Variants in RNF144A observed in about 807,000 individuals in gnomAD.
RNF144A encodes the protein ring finger protein 144A.
A neutral mutation model predicts 38.7 loss-of-function variants in RNF144A; 11 were observed. The observed-to-expected ratio is 0.28, with a 90% CI of 0.18 to 0.47. RNF144A has a LOEUF of 0.47. Ranked by LOEUF, RNF144A falls within the 20% of genes least tolerant of loss-of-function variation. The pLI is 0.99. For synonymous variants in RNF144A, 149 were observed against 143.9 expected (o/e 1.04, Z -0.25); for missense variants, 316 against 377.2 (o/e 0.84, Z 1.34).
In RNF144A at chr2:7,036,213, T is replaced by C. The variant is rs550516439; in HGVS notation, c.748-3416T>C. On this transcript the variant is annotated intron_variant, in intron 8 of 8. Transcript: ENST00000320892. ...GAGGAGCATTTCATTTTCTCTAGAGTAACCTTACTTCCTTAGGACATCAGC... is the reference window on the plus strand; with the variant it reads ...GAGGAGCATTTCATTTTCTCTAGAGCAACCTTACTTCCTTAGGACATCAGC... Among the ~76,000 whole-genome samples, 3 of 152,280 alleles carry C rather than the reference T, an allele frequency of 2.0e-5. No homozygotes were observed. In the East Asian group the frequency reaches 5.8e-4, roughly 29 times the overall value.
intron 2 of RNF144A, chr2:6,978,958 A>C (rs1668466868): frequency 6.5e-6 from 1 of 152,690 alleles, no homozygotes; most frequent in Non-Finnish European, 1.5e-5. Flanking sequence ...TGAAGGGTCC[A>C]CGTATCTCTG....
chr2:6,939,815 T>C (rs573325204), intron 1 of RNF144A, among the ~76,000 whole-genome samples: 27 of 152,260 alleles, frequency 1.8e-4, no homozygotes, highest in African/African-American at 6.5e-4. Context: ...AACACTATCA[T>C]TTACCCATTG....
intron 2 of RNF144A, among the ~76,000 whole-genome samples, chr2:6,964,941 A>G (rs1667564365): frequency 6.6e-6 from 1 of 152,160 alleles, no homozygotes; most frequent in Admixed American, 6.5e-5. Context: ...CGCATTGTGC[A>G]CATGTACCCT....
chr2:7,036,200 A>G (rs1332048985), intron 8 of RNF144A, among the ~76,000 whole-genome samples: 2 of 152,124 alleles, frequency 1.3e-5, no homozygotes, highest in South Asian at 2.1e-4. Flanking sequence ...GGAGCATTTC[A>G]TTTTCTCTAG....
intron 8 of RNF144A, among the ~76,000 whole-genome samples, chr2:7,031,339 T>C (rs1672290804): frequency 6.6e-6 from 1 of 151,028 alleles, no homozygotes; most frequent in African/African-American, 2.4e-5. Context: ...GACAGATGTG[T>C]CCTTCTACGG....
intron 6 of RNF144A, among the ~76,000 whole-genome samples, chr2:7,056,896 C>T (rs775969580): frequency 2.6e-5 from 4 of 152,198 alleles, no homozygotes; most frequent in Non-Finnish European, 2.9e-5. Context: ...AAAAACTCCC[C>T]GGCAGTCTGT....
chr2:6,965,925 A>G (rs547675004), intron 2 of RNF144A, among the ~76,000 whole-genome samples: 2 of 152,314 alleles, frequency 1.3e-5, no homozygotes, highest in Non-Finnish European at 2.9e-5. Context: ...TAGTATCATT[A>G]AAAAAGAAAG....
intron 6 of RNF144A, among the ~76,000 whole-genome samples, chr2:7,050,276 A>G (rs1240060993): frequency 6.6e-6 from 1 of 152,194 alleles, no homozygotes; most frequent in Non-Finnish European, 1.5e-5. Flanking sequence ...AATAAGTCTC[A>G]GGAGATCTTA....
intron 2 of RNF144A, among the ~76,000 whole-genome samples, chr2:6,978,433 C>A (rs961551700): frequency 6.6e-6 from 1 of 152,180 alleles, no homozygotes; most frequent in Non-Finnish European, 1.5e-5. Context: ...TGCCTCCAAG[C>A]TCAGGGACAC....
chr2:7,026,765 T>G (rs1671930907), intron 7 of RNF144A, among the ~76,000 whole-genome samples: 1 of 152,092 alleles, frequency 6.6e-6, no homozygotes, highest in African/African-American at 2.4e-5. Flanking sequence ...AGCACAGAAG[T>G]GTGTCTTGTC....
intron 5 of RNF144A, among the ~76,000 whole-genome samples, chr2:7,018,890 TA>T (rs896526505): frequency 5.4e-4 from 78 of 144,986 alleles, no homozygotes; most frequent in Middle Eastern, 3.5e-3. Flanking sequence ...AATTCATGCT[TA>T]AAAAAAAAAA....
intron 2 of RNF144A, among the ~76,000 whole-genome samples, chr2:6,959,794 C>CT (rs1450821767): frequency 6.6e-6 from 1 of 152,190 alleles, no homozygotes; most frequent in Non-Finnish European, 1.5e-5. Flanking sequence ...TCACCACCCC[C>CT]CCCATACTGT....
chr2:7,051,818 G>A (rs1046305311), intron 6 of RNF144A, among the ~76,000 whole-genome samples: 1 of 152,200 alleles, frequency 6.6e-6, no homozygotes, highest in Non-Finnish European at 1.5e-5. Flanking sequence ...GAATCCAAGA[G>A]TGTGGCTCCC....
chr2:7,043,065 A>G lies in RNF144A; in HGVS notation c.*3305A>G. The G allele has an allele frequency of 1.8e-6, 1 of 554,392 alleles. No homozygotes were observed. The highest frequency in any genetic ancestry group is 2.3e-6 in the Non-Finnish European group (1 of 436,602). The allele number at this position is 554,392 out of a possible 1,614,324, so 34.3% of individuals were successfully genotyped here. On this transcript the variant is annotated 3_prime_UTR_variant, in exon 9 of 9. Coordinates refer to ENST00000320892, the MANE Select transcript of RNF144A (RefSeq NM_014746.6). ...GTATTTTCAGTAGAGACGGGGTTTC[A>G]CCATGTTGGCCAGGCTACTCTCAAA...
At chr2:7,048,455 TAACA>T (rs1358883285), downstream of RNF144A, among the ~76,000 whole-genome samples, 6 of 152,182 alleles carry the variant, frequency 3.9e-5, no homozygotes, top group Non-Finnish European at 8.8e-5. Flanking sequence ...TCTTGCCCTA[TAACA>T]AACAACGAGC....
chr2:6,953,585 G>A (rs1666820731), intron 2 of RNF144A, among the ~76,000 whole-genome samples: 1 of 152,048 alleles, frequency 6.6e-6, no homozygotes, highest in Non-Finnish European at 1.5e-5. Flanking sequence ...TCCAACGTGT[G>A]GGATCTTTTT....
chr2:7,025,163 C>T (rs1385046057), intron 7 of RNF144A, among the ~76,000 whole-genome samples: 1 of 152,196 alleles, frequency 6.6e-6, no homozygotes, highest in East Asian at 1.9e-4. Context: ...TTCTCAAACA[C>T]ACCCTACCGT....
At chr2:6,990,385 TAC>T (rs60196595) in intron 2 of RNF144A, among the ~76,000 whole-genome samples, 3,680 of 123,614 alleles carry the variant, frequency 0.03, 93 homozygotes, top group South Asian at 0.079. Flanking sequence ...TATATATATT[TAC>T]ACACACACAC....
intron 3 of RNF144A, 108 bp from the exon 4 acceptor site, chr2:7,014,346 T>TA: frequency 1.3e-6 from 1 of 796,690 alleles, no homozygotes; most frequent in Non-Finnish European, 2.2e-6. Context: ...AGTGAAAATA[T>TA]TAAACTGTAA....
Sources: gnomAD v4.1 joint callset for allele counts (sites outside exome capture counted in the v4.1 genomes callset) on GRCh38, gnomAD v4.1.1 for gene constraint, MANE v1.5 for transcripts, NCBI Gene and HGNC (gene_info 2026-07-23, HGNC 2026-07-21) for gene names.